Variants in SAMMSON observed in about 807,000 individuals in gnomAD.
SAMMSON encodes the protein survival associated mitochondrial melanoma specific oncogenic non-coding RNA.
intron 4 of SAMMSON, among the ~76,000 whole-genome samples, chr3:70,155,343 A>G (rs2067587869): frequency 6.6e-6 from 1 of 151,982 alleles, no homozygotes; most frequent in Non-Finnish European, 1.5e-5. Context: ...CTTTCAGGAG[A>G]TAATGTTATC....
intron 6 of SAMMSON, among the ~76,000 whole-genome samples, chr3:70,252,484 A>G (rs183492020): frequency 1.6e-4 from 24 of 152,332 alleles, no homozygotes; most frequent in African/African-American, 5.5e-4. Flanking sequence ...AAGATGGGTC[A>G]GAGAGAATAA....
intron 3 of SAMMSON, among the ~76,000 whole-genome samples, chr3:70,046,695 T>C (rs2067128137): frequency 6.6e-6 from 1 of 152,158 alleles, no homozygotes; most frequent in Non-Finnish European, 1.5e-5. Context: ...CAATACGTAT[T>C]TATTATTGTA....
intron 6 of SAMMSON, among the ~76,000 whole-genome samples, chr3:70,263,299 CT>C (rs1446462098): frequency 6.6e-6 from 1 of 151,922 alleles, no homozygotes; most frequent in Non-Finnish European, 1.5e-5. Context: ...AAAAAATATT[CT>C]TTTAAGTGTA....
At chr3:70,379,238 G>A (rs1003942931) in intron 9 of SAMMSON, among the ~76,000 whole-genome samples, 10 of 151,904 alleles carry the variant, frequency 6.6e-5, no homozygotes, top group African/African-American at 1.5e-4. Context: ...GGTCTCAAGC[G>A]CCTGACCTCG....
intron 7 of SAMMSON, among the ~76,000 whole-genome samples, chr3:70,328,814 T>C (rs1429832066): frequency 6.6e-6 from 1 of 151,954 alleles, no homozygotes; most frequent in Non-Finnish European, 1.5e-5. Flanking sequence ...AACCCACAAA[T>C]TGAAGAAGCT....
At chr3:70,124,561 C>T (rs982967329) in intron 4 of SAMMSON, among the ~76,000 whole-genome samples, 2 of 151,728 alleles carry the variant, frequency 1.3e-5, no homozygotes, top group African/African-American at 4.8e-5. Flanking sequence ...GCCTGTAATC[C>T]CAGCACTTTG....
chr3:70,318,462 T>TTA (rs1553655295), intron 7 of SAMMSON, among the ~76,000 whole-genome samples: 2 of 150,008 alleles, frequency 1.3e-5, no homozygotes, highest in Non-Finnish European at 3.0e-5. Flanking sequence ...AATTAACATT[T>TTA]TGTGTGTGTG....
chr3:70,408,549 A>T (rs1376139184), intron 2 of SAMMSON, among the ~76,000 whole-genome samples: 1 of 152,146 alleles, frequency 6.6e-6, no homozygotes, highest in Admixed American at 6.6e-5. Flanking sequence ...CTCTGCTAAA[A>T]CATAACAAGA....
At chr3:70,261,780 A>G (rs1428032180) in intron 6 of SAMMSON, among the ~76,000 whole-genome samples, 1 of 152,194 alleles carries the variant, frequency 6.6e-6, no homozygotes, top group East Asian at 1.9e-4. Flanking sequence ...CTCAAATAGC[A>G]TTTGAAACCA....
intron 7 of SAMMSON, among the ~76,000 whole-genome samples, chr3:70,318,462 T>TTGTGTG (rs35643960): frequency 2.7e-5 from 4 of 150,008 alleles, no homozygotes; most frequent in African/African-American, 7.3e-5. Context: ...AATTAACATT[T>TTGTGTG]TGTGTGTGTG....
Position 70,126,210 on chromosome 3 carries a change from A to G in SAMMSON, n.507+54645A>G, listed in dbSNP as rs78002243. The G allele has an allele frequency of 5.6e-4, 611 of 1,096,630 alleles. 2 individuals carry two copies. In the African/African-American group the frequency reaches 7.7e-3, roughly 14 times the overall value. 67.9% of individuals were successfully genotyped at this position (1,096,630 alleles called of 1,614,324 possible). A position where few individuals can be genotyped will look rare whatever the true frequency, so the allele number is the denominator to read the frequency against. The stretch of plus-strand genomic sequence containing the variant: ...TAATTACATTTTCTACTGTTAAATA[A>G]CCAATTCTTTCTTTTCTTTATCGTC... On this transcript the variant is annotated intron_variant and non_coding_transcript_variant, in intron 4 of 9. Coordinates refer to ENST00000642114, the Ensembl canonical transcript of SAMMSON.
chr3:70,355,404 C>A (rs1004862856), intron 8 of SAMMSON, among the ~76,000 whole-genome samples: 16 of 151,326 alleles, frequency 1.1e-4, no homozygotes, highest in South Asian at 4.2e-4. Context: ...AAAAAAAAAA[C>A]CAATTAGAAT....
intron 2 of SAMMSON, among the ~76,000 whole-genome samples, chr3:70,417,755 A>T (rs1701277644): frequency 6.6e-6 from 1 of 152,006 alleles, no homozygotes; most frequent in Non-Finnish European, 1.5e-5. Context: ...AAAGAGAGAG[A>T]TTCTGTCTCT....
intron 2 of SAMMSON, among the ~76,000 whole-genome samples, chr3:70,418,005 G>T (rs1460888674): frequency 6.6e-6 from 1 of 152,196 alleles, no homozygotes; most frequent in African/African-American, 2.4e-5. Context: ...CTCATTTTGT[G>T]AATCCAGGTT....
At chr3:70,166,665 T>C (rs1290348963) in intron 4 of SAMMSON, among the ~76,000 whole-genome samples, 1 of 152,002 alleles carries the variant, frequency 6.6e-6, no homozygotes, top group Non-Finnish European at 1.5e-5. Flanking sequence ...TTCCTGTTTA[T>C]AACCCCACAG....
At chr3:70,126,417 G>A (rs2067459165) in intron 4 of SAMMSON, 2 of 754,974 alleles carry the variant, frequency 2.6e-6, no homozygotes, top group Admixed American at 2.1e-5. Flanking sequence ...AAAGCTGTAT[G>A]TTTCAGCTGC....
At chr3:70,173,178 A>G (rs1401868654) in intron 4 of SAMMSON, among the ~76,000 whole-genome samples, 1 of 151,944 alleles carries the variant, frequency 6.6e-6, no homozygotes, top group African/African-American at 2.4e-5. Context: ...TTATTACCCT[A>G]TCATATTAAC....
intron 6 of SAMMSON, among the ~76,000 whole-genome samples, chr3:70,265,241 T>C (rs754901520): frequency 9.9e-5 from 15 of 152,090 alleles, no homozygotes; most frequent in Non-Finnish European, 1.9e-4. Flanking sequence ...ATAAATCATA[T>C]TTAAGTTGAG....
At chr3:70,272,718 A>G (rs1701986398) in intron 6 of SAMMSON, among the ~76,000 whole-genome samples, 1 of 152,224 alleles carries the variant, frequency 6.6e-6, no homozygotes, top group South Asian at 2.1e-4. Context: ...AGTACATTGC[A>G]TTGCTGGAAT....
Sources: allele counts gnomAD v4.1 joint callset (sites outside exome capture counted in the v4.1 genomes callset), GRCh38; gene constraint gnomAD v4.1.1; transcripts MANE v1.5; gene names NCBI Gene and HGNC (gene_info 2026-07-23, HGNC 2026-07-21).